Variants in ACYP2 observed in about 807,000 individuals in gnomAD.
The protein encoded by ACYP2 is acylphosphatase 2, also known as acylphosphatase-2.
A neutral mutation model predicts 11.2 loss-of-function variants in ACYP2; 12 were observed. The ratio of observed to expected loss-of-function variants is 1.08; its 90% CI spans 0.69 to 1.74. ACYP2 has a LOEUF of 1.74. Ranked by LOEUF, ACYP2 falls within the 40% of genes most tolerant of loss-of-function variation. The probability of loss-of-function intolerance (pLI) is 0.00; values close to 1 mark genes in which losing one functional copy is unlikely to be tolerated. For missense variants in ACYP2, 134 were observed against 101.9 expected (o/e 1.31, Z -1.35); for synonymous variants, 43 against 32.2 (o/e 1.33, Z -1.13).
chr2:54,103,967 C>T (rs1272611817), intron 4 of ACYP2, among the ~76,000 whole-genome samples: 1 of 152,184 alleles, frequency 6.6e-6, no homozygotes, highest in Non-Finnish European at 1.5e-5. Flanking sequence ...CCAGTCAGAT[C>T]CTGCAGGTTA....
chr2:54,220,655 A>G (rs1685762010), intron 6 of ACYP2, among the ~76,000 whole-genome samples: 3 of 152,214 alleles, frequency 2.0e-5, no homozygotes. Flanking sequence ...GTCTGATTCA[A>G]TTGAAACACA....
At chr2:54,078,455 CTAT>C (rs1179076570) in intron 4 of ACYP2, among the ~76,000 whole-genome samples, 7 of 150,378 alleles carry the variant, frequency 4.7e-5, no homozygotes, top group Non-Finnish European at 7.4e-5. Flanking sequence ...GCTCCTGTCG[CTAT>C]TATTATTATC....
intron 4 of ACYP2, among the ~76,000 whole-genome samples, chr2:54,126,417 C>T (rs12623320): frequency 0.068 from 10,411 of 152,116 alleles, 529 homozygotes; most frequent in East Asian, 0.3. Flanking sequence ...AAAATTGTGA[C>T]GGATCACCAC....
At chr2:54,290,138 C>A (rs1221580007) in intron 6 of ACYP2, among the ~76,000 whole-genome samples, 1 of 152,038 alleles carries the variant, frequency 6.6e-6, no homozygotes, top group Non-Finnish European at 1.5e-5. Flanking sequence ...CTTGCACATT[C>A]CTCTCGGCAC....
At chr2:54,198,512 T>C (rs113264293) in intron 6 of ACYP2, among the ~76,000 whole-genome samples, 1,660 of 151,690 alleles carry the variant, frequency 0.011, 31 homozygotes, top group African/African-American at 0.038. Context: ...GAGAGTACTA[T>C]TAAAGGTACT....
At chr2:54,171,469 T>C (rs1214700927) in intron 6 of ACYP2, among the ~76,000 whole-genome samples, 1 of 152,192 alleles carries the variant, frequency 6.6e-6, no homozygotes, top group Non-Finnish European at 1.5e-5. Context: ...AAAAGTTATG[T>C]CCACAAATTT....
chr2:54,206,360 G>C (rs149255992), intron 6 of ACYP2, among the ~76,000 whole-genome samples: 7 of 152,172 alleles, frequency 4.6e-5, no homozygotes, highest in Non-Finnish European at 7.4e-5. Context: ...ATTGCTGGTC[G>C]TGCTTGGAAA....
intron 4 of ACYP2, among the ~76,000 whole-genome samples, chr2:54,123,916 A>G (rs1680307279): frequency 3.3e-5 from 5 of 152,218 alleles, no homozygotes; most frequent in Admixed American, 1.3e-4. Flanking sequence ...AGTCTGGGAA[A>G]CATCAACTGG....
intron 2 of ACYP2, among the ~76,000 whole-genome samples, chr2:54,049,830 T>A (rs1675737608): frequency 6.6e-6 from 1 of 152,244 alleles, no homozygotes; most frequent in Non-Finnish European, 1.5e-5. Flanking sequence ...GCAATTCCTT[T>A]CTTCCTGGCA....
chr2:53,991,674 G>A (rs566262307), intron 2 of ACYP2, among the ~76,000 whole-genome samples: 15 of 152,142 alleles, frequency 9.9e-5, no homozygotes, highest in African/African-American at 3.4e-4. Flanking sequence ...CAAAGTGTTG[G>A]GGTTACAGGT....
intron 2 of ACYP2, among the ~76,000 whole-genome samples, chr2:53,983,871 A>G (rs1437876828): frequency 1.3e-5 from 2 of 152,210 alleles, no homozygotes; most frequent in South Asian, 2.1e-4. Context: ...CCAGGAAACA[A>G]TGAGTACAAT....
intron 4 of ACYP2, chr2:54,065,663 C>G (rs1055310476): frequency 2.5e-6 from 1 of 395,966 alleles, no homozygotes; most frequent in African/African-American, 2.1e-5. Flanking sequence ...ATCTGTCACG[C>G]ATGGGCTTTG....
chr2:54,096,274 G>A (rs1296202630), intron 4 of ACYP2, among the ~76,000 whole-genome samples: 1 of 134,854 alleles, frequency 7.4e-6, no homozygotes, highest in African/African-American at 2.8e-5. Flanking sequence ...CTCAGACGAT[G>A]GGTGGCCGGG....
chr2:54,241,661 C>T (rs1022290296), intron 6 of ACYP2, among the ~76,000 whole-genome samples: 1 of 152,122 alleles, frequency 6.6e-6, no homozygotes, highest in Non-Finnish European at 1.5e-5. Flanking sequence ...AGGGATAAAC[C>T]ATGTTTCACT....
intron 2 of ACYP2, among the ~76,000 whole-genome samples, chr2:53,986,856 C>G (rs1017010659): frequency 6.6e-6 from 1 of 152,034 alleles, no homozygotes; most frequent in African/African-American, 2.4e-5. Context: ...AACTCCTGAC[C>G]TCAGGTGATC....
At chr2:54,210,837 C>G (rs1000799576) in intron 6 of ACYP2, among the ~76,000 whole-genome samples, 2 of 152,162 alleles carry the variant, frequency 1.3e-5, no homozygotes, top group African/African-American at 4.8e-5. Flanking sequence ...GTAAAGTTAG[C>G]CTGATTGACA....
intron 6 of ACYP2, chr2:54,255,066 G>C (rs762632198): frequency 1.2e-6 from 2 of 1,614,094 alleles, no homozygotes. Context: ...CAATCCTGTC[G>C]GACTCTGGAA....
chr2:54,282,533 T>C (rs560549583), intron 6 of ACYP2, among the ~76,000 whole-genome samples: 1 of 152,352 alleles, frequency 6.6e-6, no homozygotes, highest in African/African-American at 2.4e-5. Flanking sequence ...TTTTTCTCCA[T>C]CTATTCCTAT....
At chr2:54,128,337 G>A (rs544762528) in intron 4 of ACYP2, among the ~76,000 whole-genome samples, 2 of 152,270 alleles carry the variant, frequency 1.3e-5, no homozygotes, top group African/African-American at 2.4e-5. Flanking sequence ...ATCAGCAAGT[G>A]CCTTTCATTC....
Sources: gnomAD v4.1 joint callset for allele counts (sites outside exome capture counted in the v4.1 genomes callset) on GRCh38, gnomAD v4.1.1 for gene constraint, MANE v1.5 for transcripts, NCBI Gene and HGNC (gene_info 2026-07-23, HGNC 2026-07-21) for gene names.